The following TRAK1 variants were observed in gnomAD, a reference collection of about 807,000 sequenced individuals.
The protein encoded by TRAK1 is trafficking kinesin-binding protein 1.
Under a neutral mutation model 92.1 loss-of-function variants are expected in TRAK1, and 33 were observed. The observed-to-expected ratio is 0.36, with a 90% CI of 0.27 to 0.48. The LOEUF (loss-of-function observed/expected upper bound fraction) is 0.48, where lower values mean the gene tolerates loss of function less well. TRAK1 is among the 20% of genes least tolerant of loss of function. The probability of loss-of-function intolerance (pLI) is 0.99; values close to 1 mark genes in which losing one functional copy is unlikely to be tolerated. For synonymous variants in TRAK1, 521 were observed against 517.3 expected, an observed-to-expected ratio of 1.01 and a Z score of -0.10; for missense variants, 1,123 against 1,257.9, an observed-to-expected ratio of 0.89 and a Z score of 1.62.
chr3:42,112,181 G>A (rs1265819332), intron 1 of TRAK1, among the ~76,000 whole-genome samples: 3 of 120,750 alleles, frequency 2.5e-5, no homozygotes, highest in African/African-American at 3.2e-5. Context: ...TTACTCTGTC[G>A]CCCAGGCTGG....
At chr3:42,149,384 C>A in intron 2 of TRAK1, 1 of 1,445,146 alleles carries the variant, frequency 6.9e-7, no homozygotes, top group South Asian at 1.5e-5. Flanking sequence ...GTTTTGGCTC[C>A]AGACTGTCGT....
intron 2 of TRAK1, among the ~76,000 whole-genome samples, chr3:42,127,970 G>A (rs1710805495): frequency 6.6e-6 from 1 of 152,120 alleles, no homozygotes; most frequent in South Asian, 2.1e-4. Context: ...CCTGAGGTTG[G>A]GAGTTTGAGA....
chr3:42,095,710 T>G (rs1368225667), intron 1 of TRAK1, among the ~76,000 whole-genome samples: 3 of 139,122 alleles, frequency 2.2e-5, no homozygotes, highest in Non-Finnish European at 4.8e-5. Flanking sequence ...TTGTTTGGCT[T>G]TATCATCGTC....
intron 1 of TRAK1, among the ~76,000 whole-genome samples, chr3:42,111,010 G>A (rs1245272466): frequency 6.6e-6 from 1 of 152,182 alleles, no homozygotes; most frequent in East Asian, 1.9e-4. Context: ...ACTACAAATT[G>A]TGATGGGTGG....
chr3:42,107,017 A>G (rs754147734), intron 1 of TRAK1, among the ~76,000 whole-genome samples: 1 of 152,182 alleles, frequency 6.6e-6, no homozygotes, highest in Non-Finnish European at 1.5e-5. Context: ...TAACTTTTCC[A>G]GAATTTACCC....
chr3:42,058,857 C>T (rs552167397), intron 1 of TRAK1, among the ~76,000 whole-genome samples: 15 of 152,140 alleles, frequency 9.9e-5, no homozygotes, highest in South Asian at 2.1e-4. Flanking sequence ...TAGTAAAGGA[C>T]GATTGGCTAT....
Position 42,102,249 on chromosome 3 carries a change from G to T in TRAK1, c.91+10689G>T, listed in dbSNP as rs141943737. ...GATCCGCCTGCCTTGGCCTCCCAGG[G>T]TGCTGGGATTATAGGCGTAAGCCAC... On this transcript the variant is annotated intron_variant, in intron 1 of 15. Transcript: ENST00000327628. 3.0e-4 allele frequency among the ~76,000 whole-genome samples: 45 copies of T among 152,358 alleles called. 1 individual carries two copies. In the East Asian group the frequency reaches 8.3e-3, roughly 28 times the overall value.
chr3:42,110,552 A>G (rs761836395), intron 1 of TRAK1, among the ~76,000 whole-genome samples: 5 of 152,166 alleles, frequency 3.3e-5, no homozygotes, highest in African/African-American at 1.2e-4. Context: ...CATTCACACT[A>G]TTCTGACTTC....
intron 1 of TRAK1, among the ~76,000 whole-genome samples, chr3:42,114,234 G>A (rs1463574142): frequency 6.6e-6 from 1 of 152,184 alleles, no homozygotes; most frequent in Non-Finnish European, 1.5e-5. Context: ...CTGCTGATGG[G>A]TGTTAGGATT....
rs547486892 is a variant in TRAK1, at chr3:42,032,491, A to C, written c.-519+18374A>C. 2.9e-4 allele frequency among the ~76,000 whole-genome samples: 44 copies of C among 152,194 alleles called. No individual in the cohort carries two copies. The East Asian group carries it at 8.3e-3, about 29-fold the overall frequency. On this transcript the variant is annotated intron_variant, in intron 1 of 16. Transcript: ENST00000487159. Reference sequence around the variant, plus strand: ...GAGTGGGTCAACCTGAAAAAAAAAAAAAAAACCATCTTTGCAACCTCCAGC... The same window carrying C: ...GAGTGGGTCAACCTGAAAAAAAAAACAAAAACCATCTTTGCAACCTCCAGC...
At chr3:42,121,819 C>G (rs2149123804) in intron 1 of TRAK1, among the ~76,000 whole-genome samples, 1 of 152,000 alleles carries the variant, frequency 6.6e-6, no homozygotes, top group Middle Eastern at 3.4e-3. Flanking sequence ...ATCAAATATA[C>G]AGTTGTTTTT....
At chr3:42,099,549 C>T (rs749874301) in intron 1 of TRAK1, among the ~76,000 whole-genome samples, 76 of 152,250 alleles carry the variant, frequency 5.0e-4, no homozygotes, top group African/African-American at 8.9e-4. Flanking sequence ...GTTGGAAAGA[C>T]GATGGTGAGC....
chr3:42,187,384 A>T (rs973291286), intron 4 of TRAK1, among the ~76,000 whole-genome samples: 2 of 152,210 alleles, frequency 1.3e-5, no homozygotes, highest in Non-Finnish European at 2.9e-5. Flanking sequence ...ATTTAGTAAC[A>T]TGATCAATTT....
chr3:42,184,573 T>A, intron 3 of TRAK1, 112 bp from the exon 4 acceptor site: 2 of 1,043,668 alleles, frequency 1.9e-6, no homozygotes, highest in South Asian at 3.0e-5. Flanking sequence ...AATTATTAAT[T>A]CCTTTGTTAT....
In TRAK1 at chr3:42,201,883, G is replaced by C. The variant is rs376783994; in HGVS notation, c.1428-553G>C. On this transcript the variant is annotated intron_variant, in intron 12 of 15. Transcript: ENST00000327628. ...GGACGGACGGACGGACGGACAGACGGACACACACACACACACACACACACA... is the reference window on the plus strand; with the variant it reads ...GGACGGACGGACGGACGGACAGACGCACACACACACACACACACACACACA... Among the ~76,000 whole-genome samples, 1,106 of 124,922 alleles carry C rather than the reference G, an allele frequency of 8.9e-3. 4 individuals carry two copies. Among genetic ancestry groups the C allele is most frequent in the Middle Eastern group, 0.017 (4 of 236 alleles). The allele number at this position is 124,922 out of a possible 152,430, so 82.0% of individuals were successfully genotyped here.
At chr3:42,047,923 T>TTTC (rs1491409413) in intron 1 of TRAK1, among the ~76,000 whole-genome samples, 4 of 45,156 alleles carry the variant, frequency 8.9e-5, no homozygotes, top group African/African-American at 5.5e-4. Flanking sequence ...GTTTCTTTTC[T>TTTC]TTTTTTTTTT....
At chr3:42,016,976 A>G (rs1701550673) in intron 1 of TRAK1, among the ~76,000 whole-genome samples, 1 of 152,122 alleles carries the variant, frequency 6.6e-6, no homozygotes. Flanking sequence ...ATGGACTCTG[A>G]CCACTGGCTG....
intron 2 of TRAK1, among the ~76,000 whole-genome samples, chr3:42,149,784 T>C (rs1036349179): frequency 3.3e-5 from 5 of 152,110 alleles, no homozygotes; most frequent in African/African-American, 1.2e-4. Context: ...GCAGGGCTCT[T>C]TACCGTGAAA....
chr3:42,183,926 A>G lies in TRAK1; in HGVS notation c.364-759A>G, dbSNP rs115793858. On this transcript the variant is annotated intron_variant, in intron 3 of 15. Transcript: ENST00000327628. ...TTCCCTGACTTTATATGCCACTCCA[A>G]ATTTTCCTCTGTATACTGGCTCTGC... Among the ~76,000 whole-genome samples the G allele has an allele frequency of 7.0e-3, 1,065 of 152,220 alleles. 12 individuals carry two copies. The highest frequency in any genetic ancestry group is 0.024 in the African/African-American group (1,012 of 41,542).
Sources: gnomAD v4.1 joint callset for allele counts (sites outside exome capture counted in the v4.1 genomes callset) on GRCh38, gnomAD v4.1.1 for gene constraint, MANE v1.5 for transcripts, NCBI Gene and HGNC (gene_info 2026-07-23, HGNC 2026-07-21) for gene names.